CIT: variants seen among roughly 807,000 people sequenced by gnomAD.
CIT encodes citron rho-interacting serine/threonine kinase.
CIT carries 79 observed loss-of-function variants against 272.7 expected under a neutral mutation model. The observed-to-expected ratio is 0.29, with a 90% confidence interval of 0.24 to 0.35. The LOEUF (loss-of-function observed/expected upper bound fraction) is 0.35. CIT is among the 10% of genes least tolerant of loss of function. CIT has a pLI of 1.00. For missense variants in CIT, 1,909 were observed against 2,618.3 expected (o/e 0.73, Z 5.91); for synonymous variants, 948 against 995.6 (o/e 0.95, Z 0.90).
At chr12:119,851,305 T>C (rs1970208434) in intron 4 of CIT, among the ~76,000 whole-genome samples, 2 of 152,220 alleles carry the variant, frequency 1.3e-5, no homozygotes, top group African/African-American at 2.4e-5. Context: ...TGTAGGTGGA[T>C]ATATTGTATA....
intron 9 of CIT, among the ~76,000 whole-genome samples, chr12:119,810,706 GAAAA>G (rs5801367): frequency 1.0e-5 from 1 of 100,236 alleles, no homozygotes; most frequent in Non-Finnish European, 2.0e-5. Context: ...CATCATCTCA[GAAAA>G]AAAAAAAAAA....
intron 8 of CIT, among the ~76,000 whole-genome samples, chr12:119,823,673 A>G (rs1370400909): frequency 6.6e-6 from 1 of 152,214 alleles, no homozygotes; most frequent in East Asian, 1.9e-4. Context: ...GGTGAGATAC[A>G]AAAATCTAGG....
At chr12:119,724,909 C>T (rs551921388) in intron 28 of CIT, among the ~76,000 whole-genome samples, 20 of 112,316 alleles carry the variant, frequency 1.8e-4, no homozygotes, top group Admixed American at 4.2e-4. Flanking sequence ...CCAGTCTGGG[C>T]GACAGAGCGA....
In CIT at chr12:119,712,839, G is replaced by C; in HGVS notation, c.4580-144C>G. On this transcript the variant is annotated intron_variant, in intron 35 of 47. Transcript: ENST00000392521. This position sits in a 1 kb window ranked among gnomAD's most constrained non-coding sequence, Gnocchi z 5.2. ...GGCGCACGAGAACAAGGAAGGGACA[G>C]AGGTGTGCAGAGAAGGCAGAGAGGG... 2 of 649,448 alleles carry C rather than the reference G, an allele frequency of 3.1e-6. No homozygotes were observed. The highest frequency in any genetic ancestry group is 1.9e-5 in the South Asian group (1 of 51,928). 40.2% of individuals were successfully genotyped at this position (649,448 alleles called of 1,614,324 possible).
At position 119,718,611 on chromosome 12, in the gene CIT, T is replaced by C; in HGVS notation, c.4003+88A>G. 4 of 1,547,816 alleles carry C rather than the reference T, an allele frequency of 2.6e-6. No homozygotes were observed. Among genetic ancestry groups the C allele is most frequent in the South Asian group, 2.3e-5 (2 of 86,238 alleles). Reference sequence around the variant, plus strand: ...GCGTATGGGCCATAAACGAAGACACTGAGCTAGTTAGTCTTGGCTGATCTC... The same window carrying C: ...GCGTATGGGCCATAAACGAAGACACCGAGCTAGTTAGTCTTGGCTGATCTC... On this transcript the variant is annotated intron_variant, in intron 31 of 47. Transcript: ENST00000392521. The surrounding 1 kb of genome is among the most constrained non-coding windows in gnomAD (Gnocchi z 4.8).
At position 119,858,517 on chromosome 12, in the gene CIT, C is replaced by CA. The variant is rs796452295; in HGVS notation, c.239-820dup. Among the ~76,000 whole-genome samples the CA allele has an allele frequency of 5.5e-3, 678 of 122,336 alleles. 3 individuals carry two copies. Among genetic ancestry groups the CA allele is most frequent in the African/African-American group, 0.013 (417 of 33,352 alleles). 80.3% of individuals were successfully genotyped at this position (122,336 alleles called of 152,430 possible). On this transcript the variant is annotated intron_variant, in intron 3 of 47. Coordinates refer to ENST00000392521, the MANE Select transcript of CIT (RefSeq NM_001206999.2). The stretch of plus-strand genomic sequence containing the variant: ...GGGTGACAGAGTGAAACTCTGTCTC[C>CA]AAAAAAAAAAAAAGGCGTGGGGGCC...
chr12:119,700,794 T>A lies in CIT; in HGVS notation c.5574A>T (p.Arg1858Ser). Residue 1858 changes from arginine (R) to serine (S), a missense_variant, in exon 44 of 48, where the codon AGA (arginine) becomes AGT (serine). Arg to Ser is a moderately radical substitution (Grantham distance 110, BLOSUM62 -1). Coordinates refer to ENST00000392521, the MANE Select transcript of CIT (RefSeq NM_001206999.2). ...EFGVFVDSYGRRSRTDDLKWS... is the reference protein window; with the variant it reads ...EFGVFVDSYGSRSRTDDLKWS... The stretch of plus-strand genomic sequence containing the variant: ...ACTTGAGATCGTCTGTGCGGCTACG[T>A]CTTCCGTAAGAATCCACGAACACTC... The A allele has an allele frequency of 6.2e-7, 1 of 1,613,972 alleles. No homozygotes were observed. Among genetic ancestry groups the A allele is most frequent in the Non-Finnish European group, 8.5e-7 (1 of 1,179,966 alleles).
intron 3 of CIT, among the ~76,000 whole-genome samples, chr12:119,867,819 T>G (rs1950557277): frequency 6.6e-6 from 1 of 151,994 alleles, no homozygotes; most frequent in Non-Finnish European, 1.5e-5. Flanking sequence ...CACATGGAAG[T>G]CAAGCAAAGT....
chr12:119,776,909 A>G, intron 13 of CIT, 67 bp from the exon 14 acceptor site: 1 of 1,507,416 alleles, frequency 6.6e-7, no homozygotes, highest in Non-Finnish European at 9.1e-7. Context: ...GGCAGTGAGG[A>G]TGGAAGAGTA....
At chr12:119,705,271 G>A (rs544382944) in intron 40 of CIT, among the ~76,000 whole-genome samples, 8 of 152,136 alleles carry the variant, frequency 5.3e-5, no homozygotes, top group South Asian at 2.1e-4. Flanking sequence ...ACTCATACAC[G>A]TGCAGAGTTC....
intron 3 of CIT, among the ~76,000 whole-genome samples, chr12:119,865,040 A>G (rs780164329): frequency 6.6e-6 from 1 of 152,256 alleles, no homozygotes; most frequent in Non-Finnish European, 1.5e-5. Context: ...AACAAAGCTT[A>G]CATTCCAAAA....
intron 39 of CIT, among the ~76,000 whole-genome samples, chr12:119,709,387 G>C (rs1476853532): frequency 6.6e-6 from 1 of 151,946 alleles, no homozygotes; most frequent in African/African-American, 2.4e-5. Context: ...GGGAGGCTAT[G>C]CATATATGAG....
Position 119,704,319 on chromosome 12 carries a change from G to T in CIT, c.5304+44C>A, listed in dbSNP as rs73412182. The T allele has an allele frequency of 1.9e-3, 2,891 of 1,555,398 alleles. 41 individuals carry two copies. In the African/African-American group the frequency reaches 0.034, roughly 18 times the overall value. ...CCACACTGGCTCGCTGAGAGAGCAG[G>T]ACTGGCTTTCCCACGTTCAACCAAG... On this transcript the variant is annotated intron_variant, in intron 41 of 47. Transcript: ENST00000392521.
intron 22 of CIT, 148 bp downstream of exon 22, chr12:119,757,223 C>G (rs550939561): frequency 1.6e-5 from 16 of 1,023,606 alleles, no homozygotes; most frequent in Non-Finnish European, 2.1e-5. Context: ...TCCTTGCCTC[C>G]AGACCCTTTT....
chr12:119,718,665 A>G lies in CIT; in HGVS notation c.4003+34T>C. 1 of 1,610,840 alleles carries G rather than the reference A, an allele frequency of 6.2e-7. No homozygotes were observed. On this transcript the variant is annotated intron_variant, in intron 31 of 47. Transcript: ENST00000392521. The surrounding 1 kb of genome is among the most constrained non-coding windows in gnomAD (Gnocchi z 4.8). ...GAGATCAATCCTCTGCCTTTTCCAC[A>G]TCCTTGAGCATTTTGGAGAGAGTGA...
intron 25 of CIT, 74 bp from the exon 26 acceptor site, chr12:119,734,431 G>T: frequency 6.6e-7 from 1 of 1,505,260 alleles, no homozygotes; most frequent in South Asian, 1.1e-5. Flanking sequence ...GGTCGGGTCA[G>T]TTTCAGAAAA....
intron 32 of CIT, among the ~76,000 whole-genome samples, chr12:119,717,838 C>CTTTTTTTTTTTTTGTTTTTTTTTTTTT (rs1957602425): frequency 1.2e-5 from 1 of 81,332 alleles, no homozygotes; most frequent in African/African-American, 5.0e-5. Flanking sequence ...TGACTTCTTT[C>CTTTTTTTTTTTTTGTTTTTTTTTTTTT]TTTTTTTTTT....
At position 119,827,572 on chromosome 12, in the gene CIT, C is replaced by T. The variant is rs1235731886; in HGVS notation, c.754-2204G>A. Among the ~76,000 whole-genome samples, 7 of 151,910 alleles carry T rather than the reference C, an allele frequency of 4.6e-5. No individual in the cohort carries two copies. In the South Asian group the frequency reaches 6.2e-4, roughly 14 times the overall value. The stretch of plus-strand genomic sequence containing the variant: ...CTTGCCTCAGCCTCTCGAGTAACTG[C>T]GACTACAGGTGCATGCCACCACACC... On this transcript the variant is annotated intron_variant, in intron 7 of 47. Transcript: ENST00000392521.
chr12:119,746,029 C>T (rs767923906), intron 23 of CIT, among the ~76,000 whole-genome samples: 1 of 152,032 alleles, frequency 6.6e-6, no homozygotes, highest in Non-Finnish European at 1.5e-5. Flanking sequence ...ACTGCTTACC[C>T]AAAGTAAGAC....
Sources: gnomAD v4.1 joint callset for allele counts (sites outside exome capture counted in the v4.1 genomes callset) on GRCh38, gnomAD v4.1.1 for gene constraint, Gnocchi (gnomAD v3.1) non-coding constraint, MANE v1.5 for transcripts, NCBI Gene and HGNC (gene_info 2026-07-23, HGNC 2026-07-21) for gene names.